Variants in UBE3A observed in about 807,000 individuals in gnomAD.
The protein encoded by UBE3A is ubiquitin protein ligase E3A.
A neutral mutation model predicts 83.4 loss-of-function variants in UBE3A; 6 were observed. That is an observed-to-expected ratio of 0.07 (90% CI 0.04 to 0.14). The LOEUF is 0.14. UBE3A is among the 10% of genes least tolerant of loss of function. UBE3A has a pLI of 1.00. For missense variants in UBE3A, 456 were observed against 1,036.1 expected, an observed-to-expected ratio of 0.44 and a Z score of 7.69; for synonymous variants, 337 against 355.4, an observed-to-expected ratio of 0.95 and a Z score of 0.58.
intron 11 of UBE3A, among the ~76,000 whole-genome samples, chr15:25,342,743 T>C (rs1208969730): frequency 6.6e-6 from 1 of 152,064 alleles, no homozygotes; most frequent in Non-Finnish European, 1.5e-5. Flanking sequence ...CAGCAGGAGC[T>C]ACATCGAAGA....
rs747499662 is a variant in UBE3A, at chr15:25,371,854, T to A, written c.362-42A>T. On this transcript the variant is annotated intron_variant, in intron 5 of 12. Coordinates refer to ENST00000648336, the MANE Select transcript of UBE3A (RefSeq NM_130839.5). This position sits in a 1 kb window ranked among gnomAD's most constrained non-coding sequence, Gnocchi z 5.3. The stretch of plus-strand genomic sequence containing the variant: ...AAAAAGAGAACATTTATTTTCATAA[T>A]ATGTATGTTTACTCTGTTGCAAAAA... The A allele has an allele frequency of 1.9e-6, 3 of 1,573,350 alleles. No individual in the cohort carries two copies. Among genetic ancestry groups the A allele is most frequent in the Admixed American group, 3.5e-5 (2 of 56,754 alleles).
intron 11 of UBE3A, among the ~76,000 whole-genome samples, chr15:25,342,852 A>G (rs1350015910): frequency 6.6e-6 from 1 of 152,106 alleles, no homozygotes; most frequent in Non-Finnish European, 1.5e-5. Context: ...AGTGTAGGTT[A>G]GAGCACTGGC....
Position 25,338,207 on chromosome 15 carries a change from T to C in UBE3A, c.*930A>G, listed in dbSNP as rs2074131244. ...TAAAAACTCTATCTTAAGTGCACTT[T>C]CACATGCTTTTTGTTTATAATAAAC... is the stretch of plus-strand genomic sequence containing the variant. On this transcript the variant is annotated 3_prime_UTR_variant, in exon 13 of 13. Coordinates refer to ENST00000648336, the MANE Select transcript of UBE3A (RefSeq NM_130839.5). The C allele has an allele frequency of 6.6e-6, 1 of 152,128 alleles. No homozygotes were observed. Among genetic ancestry groups the C allele is most frequent in the African/African-American group, 2.4e-5 (1 of 41,428 alleles). 9.4% of individuals were successfully genotyped at this position (152,128 alleles called of 1,614,324 possible).
At chr15:25,408,950 T>G in intron 3 of UBE3A, 138 bp downstream of exon 3, 3 of 904,646 alleles carry the variant, frequency 3.3e-6, no homozygotes, top group Non-Finnish European at 5.0e-6. Context: ...TTTAAGGAGA[T>G]TAAATGAAGT....
chr15:25,402,609 G>A (rs1408035672), intron 4 of UBE3A, among the ~76,000 whole-genome samples: 1 of 152,132 alleles, frequency 6.6e-6, no homozygotes, highest in Admixed American at 6.5e-5. Context: ...GGCCATGGGG[G>A]CCTGCCTAGC....
intron 1 of UBE3A, among the ~76,000 whole-genome samples, chr15:25,428,500 T>C (rs1892080751): frequency 6.6e-6 from 1 of 152,234 alleles, no homozygotes; most frequent in Non-Finnish European, 1.5e-5. Flanking sequence ...ACTCTTATTC[T>C]GGTAACTTTC....
intron 12 of UBE3A, 155 bp downstream of exon 12, chr15:25,339,930 G>A (rs1234938862): frequency 5.8e-6 from 6 of 1,029,902 alleles, no homozygotes; most frequent in African/African-American, 1.6e-5. Context: ...CTCACACAAT[G>A]ACAGCAAAGT....
chr15:25,393,591 T>C (rs1166294305), intron 4 of UBE3A, among the ~76,000 whole-genome samples: 1 of 152,212 alleles, frequency 6.6e-6, no homozygotes, highest in African/African-American at 2.4e-5. Flanking sequence ...AATTAAGATA[T>C]AAAGAAATTC....
intron 1 of UBE3A, among the ~76,000 whole-genome samples, chr15:25,435,037 G>A (rs537369979): frequency 2.2e-5 from 3 of 136,628 alleles, no homozygotes; most frequent in South Asian, 2.3e-4. Flanking sequence ...AATACACTAC[G>A]TGCCAGATAC....
intron 3 of UBE3A, chr15:25,406,954 C>G (rs8032479): frequency 0.99 from 491,307 of 497,066 alleles, 243,054 homozygotes; most frequent in East Asian, 1. Flanking sequence ...AATTACATAA[C>G]AACTAAAAAC....
At chr15:25,349,977 A>G (rs916374187) in intron 11 of UBE3A, among the ~76,000 whole-genome samples, 2 of 152,168 alleles carry the variant, frequency 1.3e-5, no homozygotes, top group African/African-American at 4.8e-5. Flanking sequence ...AAAACTTAAG[A>G]GTTGTTGGCT....
intron 1 of UBE3A, among the ~76,000 whole-genome samples, chr15:25,435,020 A>T (rs1377377972): frequency 7.0e-6 from 1 of 142,638 alleles, no homozygotes; most frequent in East Asian, 2.1e-4. Flanking sequence ...ACACACACAC[A>T]AATACTAATA....
intron 4 of UBE3A, among the ~76,000 whole-genome samples, chr15:25,398,990 C>A (rs1752479402): frequency 6.6e-6 from 1 of 151,076 alleles, no homozygotes; most frequent in African/African-American, 2.4e-5. Context: ...ATTCTAATGG[C>A]CATTTGTATG....
At chr15:25,436,923 G>A (rs539393560) in intron 1 of UBE3A, among the ~76,000 whole-genome samples, 72 of 152,242 alleles carry the variant, frequency 4.7e-4, no homozygotes, top group African/African-American at 1.7e-3. Context: ...GCAAACTAAT[G>A]CAGGTTAATA....
intron 4 of UBE3A, among the ~76,000 whole-genome samples, chr15:25,397,622 T>C (rs1345127092): frequency 1.3e-5 from 2 of 152,148 alleles, no homozygotes; most frequent in African/African-American, 4.8e-5. Context: ...AACTCCTAAG[T>C]CCACCATTAT....
intron 1 of UBE3A, among the ~76,000 whole-genome samples, chr15:25,429,791 G>C (rs773132659): frequency 3.3e-5 from 5 of 151,700 alleles, no homozygotes; most frequent in Non-Finnish European, 7.4e-5. Context: ...GATCACCTGA[G>C]GTTAGGAGTT....
chr15:25,369,285 G>A (rs1358330763), intron 6 of UBE3A, among the ~76,000 whole-genome samples: 6 of 144,944 alleles, frequency 4.1e-5, no homozygotes, highest in Admixed American at 7.1e-5. Flanking sequence ...GTCTCTGCTA[G>A]AAAACCACCT....
chr15:25,374,591 G>A (rs2080875377), intron 5 of UBE3A: 1 of 152,236 alleles, frequency 6.6e-6, no homozygotes, highest in African/African-American at 2.4e-5. Context: ...TGTGGAAACA[G>A]AGTAGAGGTT....
chr15:25,396,280 GAGATTCTACA>G (rs987007377), intron 4 of UBE3A, among the ~76,000 whole-genome samples: 10 of 151,958 alleles, frequency 6.6e-5, no homozygotes, highest in Non-Finnish European at 1.5e-4. Flanking sequence ...TACATACAAA[GAGATTCTACA>G]ACACGGTATT....
Sources: allele counts gnomAD v4.1 joint callset (sites outside exome capture counted in the v4.1 genomes callset), GRCh38; gene constraint gnomAD v4.1.1; non-coding constraint Gnocchi (gnomAD v3.1); transcripts MANE v1.5; gene names NCBI Gene and HGNC (gene_info 2026-07-23, HGNC 2026-07-21).